The following KCNU1 variants were observed in gnomAD, a reference collection of about 807,000 sequenced individuals.
KCNU1 encodes potassium calcium-activated channel subfamily U member 1.
Under a neutral mutation model 126.8 loss-of-function variants are expected in KCNU1, and 93 were observed. That is an observed-to-expected ratio of 0.73 (90% CI 0.62 to 0.87). The LOEUF (loss-of-function observed/expected upper bound fraction) is 0.87, where lower values mean the gene tolerates loss of function less well. Among genes scored for constraint, KCNU1 ranks in the 40% least tolerant of loss-of-function variants. The probability of loss-of-function intolerance (pLI) is 0.00; values close to 1 mark genes in which losing one functional copy is unlikely to be tolerated. For synonymous variants in KCNU1, 523 were observed against 494.2 expected, an observed-to-expected ratio of 1.06 and a Z score of -0.77; for missense variants, 1,330 against 1,367.1, an observed-to-expected ratio of 0.97 and a Z score of 0.43.
chr8:36,810,571 TGAGGGGATATTTGCAAA>T (rs1184734360), intron 7 of KCNU1, among the ~76,000 whole-genome samples: 1 of 152,158 alleles, frequency 6.6e-6, no homozygotes, highest in Non-Finnish European at 1.5e-5. Context: ...CAGATTTTAT[TGAGGGGATATTTGCAAA>T]GACAAGCCAA....
chr8:36,905,902 T>TA, intron 20 of KCNU1, 98 bp downstream of exon 20: 1 of 621,328 alleles, frequency 1.6e-6, no homozygotes. Flanking sequence ...CTTCCCTTTG[T>TA]AAACTGTGAA....
At chr8:36,817,269 G>A (rs1053240666) in intron 9 of KCNU1, among the ~76,000 whole-genome samples, 15 of 152,080 alleles carry the variant, frequency 9.9e-5, no homozygotes, top group African/African-American at 3.1e-4. Flanking sequence ...GGAGGCTGAG[G>A]TGGGCGGATC....
At chr8:36,829,942 G>T (rs1218176468) in intron 10 of KCNU1, among the ~76,000 whole-genome samples, 4 of 150,378 alleles carry the variant, frequency 2.7e-5, no homozygotes, top group Non-Finnish European at 5.9e-5. Flanking sequence ...ATTAAATTTT[G>T]TATATTAGTC....
At chr8:36,786,554 C>T (rs1425298266) in intron 1 of KCNU1, among the ~76,000 whole-genome samples, 2 of 152,082 alleles carry the variant, frequency 1.3e-5, no homozygotes, top group East Asian at 3.8e-4. Flanking sequence ...ACTCATCTAG[C>T]TTGGTGTGGG....
chr8:36,928,516 C>T (rs1808599888), intron 24 of KCNU1, among the ~76,000 whole-genome samples: 1 of 152,120 alleles, frequency 6.6e-6, no homozygotes, highest in Non-Finnish European at 1.5e-5. Context: ...GAAGACATCA[C>T]TCAGGAAATT....
intron 16 of KCNU1, among the ~76,000 whole-genome samples, chr8:36,841,528 C>A (rs1804957834): frequency 1.3e-5 from 2 of 152,026 alleles, no homozygotes; most frequent in African/African-American, 2.4e-5. Context: ...CCTGTCTCTA[C>A]TAAAAATACA....
At chr8:36,898,580 A>G (rs1331827241) in intron 19 of KCNU1, among the ~76,000 whole-genome samples, 1 of 144,658 alleles carries the variant, frequency 6.9e-6, no homozygotes, top group Non-Finnish European at 1.5e-5. Context: ...GGAAAAAAGA[A>G]AAAAAAAATA....
At chr8:36,877,342 G>A (rs564245518) in intron 19 of KCNU1, among the ~76,000 whole-genome samples, 50 of 147,194 alleles carry the variant, frequency 3.4e-4, no homozygotes, top group African/African-American at 1.2e-3. Context: ...CACTCTTGTC[G>A]CCCAGGCTAG....
At chr8:36,907,663 T>C (rs1182041075) in intron 20 of KCNU1, among the ~76,000 whole-genome samples, 1 of 152,218 alleles carries the variant, frequency 6.6e-6, no homozygotes, top group African/African-American at 2.4e-5. Context: ...TGTTGAAATG[T>C]CAGATGTTAC....
intron 24 of KCNU1, among the ~76,000 whole-genome samples, chr8:36,929,536 TAGA>T (rs1312712426): frequency 6.6e-6 from 1 of 151,702 alleles, no homozygotes; most frequent in African/African-American, 2.4e-5. Flanking sequence ...CTGTAAAATA[TAGA>T]AGAATGAAAT....
In KCNU1 at chr8:36,791,184, G is replaced by A. The variant is rs546517567; in HGVS notation, c.315+3759G>A. The stretch of plus-strand genomic sequence containing the variant: ...ACTCTGTAGCATCTATGGGTTTGAT[G>A]TTTAGTGCATCTATGGGTTAGGTGT... On this transcript the variant is annotated intron_variant, in intron 2 of 26. Transcript: ENST00000399881. Among the ~76,000 whole-genome samples the A allele has an allele frequency of 7.6e-4, 116 of 152,198 alleles. 1 individual carries two copies. The highest frequency in any genetic ancestry group is 1.4e-3 in the Non-Finnish European group (93 of 67,980).
intron 7 of KCNU1, among the ~76,000 whole-genome samples, chr8:36,812,087 C>G (rs1391979737): frequency 4.0e-5 from 6 of 149,926 alleles, no homozygotes; most frequent in Non-Finnish European, 7.4e-5. Context: ...CAAAAAAACT[C>G]TGATATTTTG....
chr8:36,839,787 C>T (rs1159669580), intron 14 of KCNU1, among the ~76,000 whole-genome samples: 1 of 152,148 alleles, frequency 6.6e-6, no homozygotes, highest in Non-Finnish European at 1.5e-5. Flanking sequence ...ATTCTCATGG[C>T]AGTAGGTGGA....
At chr8:36,797,073 T>C (rs1293852206) in intron 2 of KCNU1, among the ~76,000 whole-genome samples, 1 of 152,152 alleles carries the variant, frequency 6.6e-6, no homozygotes, top group Admixed American at 6.5e-5. Flanking sequence ...CAGAACTACA[T>C]GGTGATTGTG....
At chr8:36,913,853 G>T (rs540219701) in intron 22 of KCNU1, among the ~76,000 whole-genome samples, 1 of 151,778 alleles carries the variant, frequency 6.6e-6, no homozygotes, top group Non-Finnish European at 1.5e-5. Flanking sequence ...CGTCTGCCTC[G>T]GCCTCCCAAA....
intron 19 of KCNU1, among the ~76,000 whole-genome samples, chr8:36,886,931 G>A (rs183286920): frequency 1.4e-4 from 21 of 152,140 alleles, no homozygotes; most frequent in Admixed American, 1.2e-3. Flanking sequence ...ACTTCACTTA[G>A]AATAATGGAC....
chr8:36,879,180 G>A (rs1806375255), intron 19 of KCNU1, among the ~76,000 whole-genome samples: 1 of 120,064 alleles, frequency 8.3e-6, no homozygotes, highest in African/African-American at 3.1e-5. Context: ...GTGCAATTCA[G>A]GCATATATGT....
chr8:36,868,599 G>A (rs1805993092), intron 19 of KCNU1, among the ~76,000 whole-genome samples: 1 of 151,886 alleles, frequency 6.6e-6, no homozygotes, highest in African/African-American at 2.4e-5. Context: ...ATTACAGACA[G>A]CCCTAACTTA....
intron 1 of KCNU1, among the ~76,000 whole-genome samples, chr8:36,785,073 A>C (rs1336581729): frequency 6.6e-6 from 1 of 152,242 alleles, no homozygotes; most frequent in Non-Finnish European, 1.5e-5. Flanking sequence ...TGAAGACAAC[A>C]CATTGAGTTG....
Sources: gnomAD v4.1 joint callset for allele counts (sites outside exome capture counted in the v4.1 genomes callset) on GRCh38, gnomAD v4.1.1 for gene constraint, MANE v1.5 for transcripts, NCBI Gene and HGNC (gene_info 2026-07-23, HGNC 2026-07-21) for gene names.